Variants in CCDC138 observed in about 807,000 individuals in gnomAD.
CCDC138 encodes the protein coiled-coil domain containing 138.
In CCDC138, 66 loss-of-function variants were observed where a neutral mutation model predicts 82.3. That is an observed-to-expected ratio of 0.80 (90% CI 0.66 to 0.98). CCDC138 has a LOEUF of 0.98. CCDC138 is among the 50% of genes least tolerant of loss of function. The pLI is 0.00. For missense variants in CCDC138, 816 were observed against 758.9 expected, an observed-to-expected ratio of 1.08 and a Z score of -0.88; for synonymous variants, 297 against 265.4, an observed-to-expected ratio of 1.12 and a Z score of -1.16.
intron 13 of CCDC138, among the ~76,000 whole-genome samples, chr2:108,861,295 A>G (rs894728678): frequency 1.3e-5 from 2 of 151,160 alleles, no homozygotes; most frequent in African/African-American, 4.9e-5. Flanking sequence ...CATTTCGTCG[A>G]TCCTTATATA....
At chr2:108,881,376 T>C (rs570239283), downstream of CCDC138, among the ~76,000 whole-genome samples, 5 of 152,376 alleles carry the variant, frequency 3.3e-5, no homozygotes, top group South Asian at 8.3e-4. Flanking sequence ...GATTAGGCTT[T>C]GGCTTAAAGG....
intron 13 of CCDC138, among the ~76,000 whole-genome samples, chr2:108,867,914 G>A (rs1694671025): frequency 6.6e-6 from 1 of 152,096 alleles, no homozygotes; most frequent in African/African-American, 2.4e-5. Context: ...GCTGAGGTGA[G>A]TTTTCTTTAA....
intron 3 of CCDC138, among the ~76,000 whole-genome samples, chr2:108,790,703 AAAAT>A (rs1029216685): frequency 1.3e-5 from 2 of 152,196 alleles, no homozygotes; most frequent in Non-Finnish European, 2.9e-5. Context: ...TCCGTCTCAA[AAAAT>A]AAATAAATAG....
intron 10 of CCDC138, among the ~76,000 whole-genome samples, chr2:108,830,058 G>T (rs1687299196): frequency 6.6e-6 from 1 of 152,088 alleles, no homozygotes; most frequent in South Asian, 2.1e-4. Context: ...ACAAGATGTG[G>T]TATATACATA....
At position 108,846,823 on chromosome 2, in the gene CCDC138, C is replaced by T. The variant is rs1464792836; in HGVS notation, c.1409C>T (p.Pro470Leu). The T allele has an allele frequency of 1.8e-5, 29 of 1,612,808 alleles. No homozygotes were observed. The highest frequency in any genetic ancestry group is 6.7e-5 in the East Asian group (3 of 44,824). ...VVTKGIQDNS[P>L]QHSVENKPKT... ...ACTAAAGGAATTCAGGATAATTCTC[C>T]ACAGCATTCTGTGGAGAATAAACCA... Residue 470 changes from proline (P) to leucine (L), a missense_variant, in exon 12 of 15, where the codon CCA becomes CTA. Coordinates refer to ENST00000295124, the MANE Select transcript of CCDC138 (RefSeq NM_144978.3).
At chr2:108,842,130 C>A (rs1689593187) in intron 11 of CCDC138, among the ~76,000 whole-genome samples, 1 of 151,970 alleles carries the variant, frequency 6.6e-6, no homozygotes, top group East Asian at 1.9e-4. Context: ...TGGGCTCAAG[C>A]AATCCTTCTG....
chr2:108,833,812 C>T (rs1443933146), intron 10 of CCDC138, among the ~76,000 whole-genome samples: 1 of 145,512 alleles, frequency 6.9e-6, no homozygotes, highest in African/African-American at 2.6e-5. Flanking sequence ...ACTGCAAGCT[C>T]TGCCTCCAAG....
intron 7 of CCDC138, among the ~76,000 whole-genome samples, chr2:108,808,962 A>G (rs760430871): frequency 6.6e-6 from 1 of 152,120 alleles, no homozygotes; most frequent in African/African-American, 2.4e-5. Flanking sequence ...CTTATATTTC[A>G]AAGTCTTTAA....
intron 13 of CCDC138, among the ~76,000 whole-genome samples, chr2:108,871,617 ATTGT>A (rs1695269884): frequency 1.3e-5 from 2 of 152,120 alleles, no homozygotes; most frequent in South Asian, 4.1e-4. Context: ...TTTTTTGTAC[ATTGT>A]TTATGTTGGT....
chr2:108,846,327 TTTAAA>T (rs532732597), intron 11 of CCDC138, among the ~76,000 whole-genome samples: 36 of 152,334 alleles, frequency 2.4e-4, no homozygotes, highest in Middle Eastern at 6.8e-3. Context: ...TATTTTCAAC[TTTAAA>T]TTAGCCACAG....
chr2:108,848,969 T>TA (rs1039158313), intron 12 of CCDC138, among the ~76,000 whole-genome samples: 21 of 152,336 alleles, frequency 1.4e-4, no homozygotes, highest in African/African-American at 4.8e-4. Context: ...ATTATAACTA[T>TA]ATCCCTGTGT....
chr2:108,876,362 C>T lies in CCDC138; in HGVS notation c.*109C>T. ...TAAAGTTATCAGTAGCATCATTTAT[C>T]ATGAAAAATAAATAATTTTTTTGAA... On this transcript the variant is annotated 3_prime_UTR_variant, in exon 15 of 15. Transcript: ENST00000295124. The T allele has an allele frequency of 1.7e-6, 1 of 597,040 alleles. No individual in the cohort carries two copies. Among genetic ancestry groups the T allele is most frequent in the Non-Finnish European group, 2.8e-6 (1 of 357,898 alleles). 37.0% of individuals were successfully genotyped at this position (597,040 alleles called of 1,614,324 possible). A position where few individuals can be genotyped will look rare whatever the true frequency, so the allele number is the denominator to read the frequency against.
chr2:108,816,227 G>A (rs1234117166), intron 10 of CCDC138, 122 bp downstream of exon 10: 4 of 679,138 alleles, frequency 5.9e-6, no homozygotes, highest in Non-Finnish European at 9.7e-6. Flanking sequence ...GAGCTGGGCA[G>A]ATCACCTGAG....
intron 13 of CCDC138, among the ~76,000 whole-genome samples, chr2:108,860,950 T>TTTTTTTTTTTTTTTTTTG (rs1558750737): frequency 7.0e-6 from 1 of 141,880 alleles, no homozygotes; most frequent in Non-Finnish European, 1.5e-5. Context: ...TTTTTTTTTT[T>TTTTTTTTTTTTTTTTTTG]TTTTTTTTGG....
chr2:108,803,319 G>A (rs1236248659), intron 6 of CCDC138, among the ~76,000 whole-genome samples: 2 of 152,140 alleles, frequency 1.3e-5, no homozygotes, highest in Non-Finnish European at 2.9e-5. Flanking sequence ...TCTCTTCTGC[G>A]GGATTCTCCC....
chr2:108,802,284 T>C, intron 6 of CCDC138, among the ~76,000 whole-genome samples: 1 of 75,150 alleles, frequency 1.3e-5, no homozygotes, highest in Non-Finnish European at 2.4e-5. Flanking sequence ...TTCCATTTGT[T>C]TGTATCCTCT....
downstream of CCDC138, among the ~76,000 whole-genome samples, chr2:108,877,774 G>C (rs1696126791): frequency 6.6e-6 from 1 of 152,188 alleles, no homozygotes; most frequent in Admixed American, 6.5e-5. Context: ...TGTACAGATT[G>C]AAAGGGCTCA....
intron 3 of CCDC138, 138 bp from the exon 4 acceptor site, chr2:108,791,537 C>A: frequency 3.0e-6 from 3 of 991,570 alleles, no homozygotes; most frequent in Non-Finnish European, 4.7e-6. Context: ...TTTCTTTTTA[C>A]ATGTTTACAT....
At chr2:108,845,990 T>C (rs570820704) in intron 11 of CCDC138, among the ~76,000 whole-genome samples, 3 of 152,348 alleles carry the variant, frequency 2.0e-5, no homozygotes, top group Admixed American at 1.3e-4. Flanking sequence ...ATGAGAATTA[T>C]CTATGATTCT....
Sources: allele counts gnomAD v4.1 joint callset (sites outside exome capture counted in the v4.1 genomes callset), GRCh38; gene constraint gnomAD v4.1.1; transcripts MANE v1.5; gene names NCBI Gene and HGNC (gene_info 2026-07-23, HGNC 2026-07-21).